The following GALNT13 variants were observed in gnomAD, a reference collection of about 807,000 sequenced individuals.
GALNT13 encodes the protein polypeptide N-acetylgalactosaminyltransferase 13, also known as UDP-GalNAc:polypeptide N-acetylgalactosaminyltransferase 13.
A neutral mutation model predicts 64.2 loss-of-function variants in GALNT13; 28 were observed. The observed-to-expected ratio is 0.44, with a 90% CI of 0.32 to 0.60. GALNT13 has a LOEUF of 0.60. GALNT13 is among the 20% of genes least tolerant of loss of function. GALNT13 has a pLI of 0.05. For synonymous variants in GALNT13, 214 were observed against 224.6 expected (o/e 0.95, Z 0.42); for missense variants, 577 against 669.8 (o/e 0.86, Z 1.53).
intron 9 of GALNT13, among the ~76,000 whole-genome samples, chr2:154,383,780 T>G (rs1255882937): frequency 6.6e-6 from 1 of 151,944 alleles, no homozygotes; most frequent in East Asian, 1.9e-4. Flanking sequence ...TAGCTATATC[T>G]ATATACAAGA....
intron 3 of GALNT13, among the ~76,000 whole-genome samples, chr2:154,102,536 G>C (rs147735232): frequency 6.6e-6 from 1 of 152,054 alleles, no homozygotes; most frequent in South Asian, 2.1e-4. Flanking sequence ...TCGTGGGAGT[G>C]GGGTGAGGGA....
chr2:154,107,321 A>G (rs1220174868), intron 3 of GALNT13, among the ~76,000 whole-genome samples: 1 of 152,292 alleles, frequency 6.6e-6, no homozygotes, highest in African/African-American at 2.4e-5. Context: ...ATAGCTGGGC[A>G]CAGTGGCTCA....
intron 4 of GALNT13, among the ~76,000 whole-genome samples, chr2:154,201,462 C>T (rs1474988835): frequency 4.6e-5 from 7 of 152,052 alleles, no homozygotes; most frequent in Non-Finnish European, 8.8e-5. Flanking sequence ...GCAATCATGG[C>T]AAGAAGACAT....
chr2:153,444,529 G>T, the GALNT13 span, among the ~76,000 whole-genome samples: 1 of 152,042 alleles, frequency 6.6e-6, no homozygotes, highest in Non-Finnish European at 1.5e-5. Flanking sequence ...AAAGAGTATA[G>T]GAATAATACT....
intron 3 of GALNT13, 52 bp from the exon 4 acceptor site, chr2:154,140,285 G>A: frequency 7.4e-7 from 1 of 1,356,806 alleles, no homozygotes; most frequent in Non-Finnish European, 1.0e-6. Flanking sequence ...TATTTATTCA[G>A]TTCATTATCT....
At chr2:154,176,072 C>T (rs1441714555) in intron 4 of GALNT13, among the ~76,000 whole-genome samples, 2 of 151,746 alleles carry the variant, frequency 1.3e-5, no homozygotes, top group Admixed American at 6.6e-5. Context: ...GAAGTGATAA[C>T]GAAAACATTA....
chr2:154,255,607 A>G (rs1002233803), intron 7 of GALNT13, among the ~76,000 whole-genome samples: 4 of 152,166 alleles, frequency 2.6e-5, no homozygotes, highest in East Asian at 1.9e-4. Context: ...ATTCTTTTTT[A>G]TGAGACAAGA....
At chr2:153,750,010 G>GT in the GALNT13 span, among the ~76,000 whole-genome samples, 1 of 151,620 alleles carries the variant, frequency 6.6e-6, no homozygotes, top group African/African-American at 2.4e-5. Flanking sequence ...TCTATCTTCA[G>GT]TTTTTTATTT....
chr2:154,110,318 TATATATATATATATATATAGAG>T (rs1558963024), intron 3 of GALNT13, among the ~76,000 whole-genome samples: 12 of 37,938 alleles, frequency 3.2e-4, no homozygotes, highest in African/African-American at 8.8e-4. Context: ...TATATATATA[TATATATATATATATATATAGAG>T]AGAGAGAGAG....
At chr2:154,145,512 T>A (rs576873523) in intron 4 of GALNT13, among the ~76,000 whole-genome samples, 1 of 152,122 alleles carries the variant, frequency 6.6e-6, no homozygotes, top group East Asian at 1.9e-4. Flanking sequence ...CTTCAAGGGC[T>A]GGTATTGAGT....
At chr2:153,466,787 C>T in the GALNT13 span, among the ~76,000 whole-genome samples, 2 of 151,988 alleles carry the variant, frequency 1.3e-5, no homozygotes, top group African/African-American at 2.4e-5. Context: ...TAAGTTTTAG[C>T]ATATTAAAAT....
chr2:153,947,212 G>A (rs915708906), intron 3 of GALNT13, among the ~76,000 whole-genome samples: 9 of 151,844 alleles, frequency 5.9e-5, no homozygotes, highest in Admixed American at 3.9e-4. Flanking sequence ...CAAATCCTGG[G>A]GATATAACTG....
chr2:153,095,287 A>T, the GALNT13 span, among the ~76,000 whole-genome samples: 50,820 of 152,120 alleles, frequency 0.33, 9,396 homozygotes, highest in Non-Finnish European at 0.44. Context: ...CACATGAAAA[A>T]ATGCTCATCA....
At chr2:153,328,568 A>C in the GALNT13 span, among the ~76,000 whole-genome samples, 2 of 152,022 alleles carry the variant, frequency 1.3e-5, no homozygotes, top group East Asian at 3.9e-4. Context: ...TGGGTTCTGC[A>C]GACAGTTCGA....
chr2:153,377,524 G>A, the GALNT13 span, among the ~76,000 whole-genome samples: 1 of 152,050 alleles, frequency 6.6e-6, no homozygotes, highest in Non-Finnish European at 1.5e-5. Flanking sequence ...TTCTGAACAA[G>A]CGAGTTGTTA....
chr2:153,468,515 A>G, the GALNT13 span, among the ~76,000 whole-genome samples: 1 of 152,146 alleles, frequency 6.6e-6, no homozygotes, highest in Non-Finnish European at 1.5e-5. Context: ...ATGTAAACGA[A>G]TCTTTCATCA....
intron 11 of GALNT13, among the ~76,000 whole-genome samples, chr2:154,418,757 A>G (rs767862252): frequency 6.6e-6 from 1 of 152,214 alleles, no homozygotes; most frequent in Non-Finnish European, 1.5e-5. Flanking sequence ...TAGAAACAGT[A>G]TAGCTCAGAG....
chr2:153,316,257 G>A, the GALNT13 span, among the ~76,000 whole-genome samples: 7 of 152,136 alleles, frequency 4.6e-5, no homozygotes, highest in East Asian at 1.4e-3. Context: ...CTCTGGAAAT[G>A]TCTTATAAAA....
At chr2:153,574,715 CT>C in the GALNT13 span, among the ~76,000 whole-genome samples, 22,855 of 140,992 alleles carry the variant, frequency 0.16, 2,837 homozygotes, top group African/African-American at 0.36. Context: ...TTATTTCAAT[CT>C]TTTTTTTTTT....
Sources: gnomAD v4.1 joint callset for allele counts (sites outside exome capture counted in the v4.1 genomes callset) on GRCh38, gnomAD v4.1.1 for gene constraint, MANE v1.5 for transcripts, NCBI Gene and HGNC (gene_info 2026-07-23, HGNC 2026-07-21) for gene names.